The following PIR variants were observed in gnomAD, a reference collection of about 807,000 sequenced individuals.
PIR encodes the protein pirin.
A neutral mutation model predicts 24.2 loss-of-function variants in PIR; 22 were observed. The ratio of observed to expected loss-of-function variants is 0.91; its 90% CI spans 0.65 to 1.30. The LOEUF (loss-of-function observed/expected upper bound fraction) is 1.30, where lower values mean the gene tolerates loss of function less well. PIR is among the 50% of genes most tolerant of loss of function. The pLI is 0.00. For missense variants in PIR, 220 were observed against 220.3 expected, an observed-to-expected ratio of 1.00 and a Z score of 0.01; for synonymous variants, 80 against 79.6, an observed-to-expected ratio of 1.00 and a Z score of -0.03.
At chrX:15,490,061 A>G (rs1045423839) in intron 2 of PIR, among the ~76,000 whole-genome samples, 3 of 111,779 alleles carry the variant, frequency 2.7e-5, no homozygotes, top group African/African-American at 9.8e-5. Context: ...AGAGACTTTA[A>G]GTGTTCTCAT....
Position 15,455,899 on chromosome X carries a change from A to G in PIR, c.429T>C (p.Ser143=). The change falls in exon 5 of 10, where the codon AGT becomes AGC. Residue 143 remains serine, a synonymous_variant. Coordinates refer to ENST00000380420, the MANE Select transcript of PIR (RefSeq NM_001018109.3). ...TGACAGCAACTGTCACACCATCCTTACTGGGTTTAGGGATTTCTTCACTTT... is the reference window on the plus strand; with the variant it reads ...TGACAGCAACTGTCACACCATCCTTGCTGGGTTTAGGGATTTCTTCACTTT... ...ELKSEEIPKP[S]KDGVTVAVIS... is the part of the protein sequence containing the mutation. The G allele has an allele frequency of 8.3e-7, 1 of 1,210,379 alleles. No homozygotes were observed. Among genetic ancestry groups the G allele is most frequent in the Non-Finnish European group, 1.1e-6 (1 of 894,376 alleles).
At chrX:15,477,513 C>T (rs770536330) in intron 3 of PIR, among the ~76,000 whole-genome samples, 1 of 111,808 alleles carries the variant, frequency 8.9e-6, no homozygotes, top group South Asian at 3.8e-4. Context: ...TAACATTGAA[C>T]TCTAGGCCAA....
chrX:15,414,853 T>A (rs1216007194), intron 6 of PIR, among the ~76,000 whole-genome samples: 1 of 111,138 alleles, frequency 9.0e-6, no homozygotes, highest in Non-Finnish European at 1.9e-5. Context: ...TGAAAAAAAA[T>A]ACACCCCTGC....
At chrX:15,443,614 G>A (rs1346326062) in intron 5 of PIR, among the ~76,000 whole-genome samples, 5 of 111,712 alleles carry the variant, frequency 4.5e-5, no homozygotes, top group African/African-American at 1.6e-4. Context: ...TGCCATAGAT[G>A]GTGATTCCTC....
chrX:15,479,570 A>C (rs1922390163), intron 3 of PIR, among the ~76,000 whole-genome samples, 159 bp downstream of exon 3: 1 of 112,179 alleles, frequency 8.9e-6, no homozygotes, highest in Admixed American at 9.5e-5. Context: ...TACTAAAAAC[A>C]GTAAATATTT....
chrX:15,418,189 G>A (rs1358098785), intron 6 of PIR, among the ~76,000 whole-genome samples: 1 of 111,482 alleles, frequency 9.0e-6, no homozygotes, highest in Non-Finnish European at 1.9e-5. Flanking sequence ...TAAGTATCTA[G>A]AGGCAAAGGT....
chrX:15,443,384 G>T (rs180932236), intron 5 of PIR, among the ~76,000 whole-genome samples: 287 of 111,300 alleles, frequency 2.6e-3, no homozygotes, highest in African/African-American at 8.0e-3. Flanking sequence ...AAGATTAATG[G>T]GCCTGCTAAC....
At chrX:15,441,204 T>G (rs1281870445) in intron 5 of PIR, among the ~76,000 whole-genome samples, 4 of 111,921 alleles carry the variant, frequency 3.6e-5, no homozygotes, top group Admixed American at 9.5e-5. Context: ...ATAAAGATGC[T>G]TTGGCATCTT....
Position 15,384,902 on chromosome X carries a change from A to G in PIR, c.*102T>C. 6.8e-6 allele frequency: 3 copies of G among 444,397 alleles called. No homozygotes were observed. The highest frequency in any genetic ancestry group is 8.0e-6 in the Non-Finnish European group (2 of 250,553). The allele number at this position is 444,397 out of a possible 1,213,427, so 36.6% of individuals were successfully genotyped here. ...TCACGTTAGTGTGGAATTCTTTAGAAGCACCGGCTAAATAAGCTTTAGAAA... is the reference window on the plus strand; with the variant it reads ...TCACGTTAGTGTGGAATTCTTTAGAGGCACCGGCTAAATAAGCTTTAGAAA... On this transcript the variant is annotated 3_prime_UTR_variant, in exon 10 of 10. Coordinates refer to ENST00000380420, the MANE Select transcript of PIR (RefSeq NM_001018109.3).
intron 3 of PIR, among the ~76,000 whole-genome samples, chrX:15,473,717 C>A (rs1374057974): frequency 9.0e-6 from 1 of 111,079 alleles, no homozygotes; most frequent in Non-Finnish European, 1.9e-5. Flanking sequence ...CCACCACACC[C>A]AGCTAATTTT....
At chrX:15,397,354 A>G (rs1924198530) in intron 8 of PIR, 95 bp downstream of exon 8, 1 of 590,913 alleles carries the variant, frequency 1.7e-6, no homozygotes, top group Non-Finnish European at 3.0e-6. Flanking sequence ...CAAGGAAGAG[A>G]GAAAAACTTT....
intron 9 of PIR, among the ~76,000 whole-genome samples, chrX:15,387,110 A>C (rs1267908871): frequency 1.7e-5 from 1 of 57,182 alleles, no homozygotes; most frequent in African/African-American, 7.0e-5. Context: ...TTTTTTTGAG[A>C]CCGAGTCTTG....
chrX:15,415,202 G>A (rs1451374942), intron 6 of PIR, among the ~76,000 whole-genome samples: 1 of 111,477 alleles, frequency 9.0e-6, no homozygotes, highest in Non-Finnish European at 1.9e-5. Context: ...TAATCTCTTT[G>A]TACCTCAGTT....
intron 5 of PIR, among the ~76,000 whole-genome samples, chrX:15,447,966 C>T (rs1052673875): frequency 8.9e-6 from 1 of 112,084 alleles, no homozygotes; most frequent in African/African-American, 3.2e-5. Flanking sequence ...ATGAATGGCA[C>T]AGGGTGTTAC....
intron 7 of PIR, among the ~76,000 whole-genome samples, chrX:15,403,380 G>A (rs1924452067): frequency 8.9e-6 from 1 of 112,182 alleles, no homozygotes; most frequent in African/African-American, 3.2e-5. Flanking sequence ...AGCACCAACA[G>A]TATACTTGAT....
At chrX:15,419,374 T>TGTGTGTGG in intron 6 of PIR, among the ~76,000 whole-genome samples, 1 of 106,898 alleles carries the variant, frequency 9.4e-6, no homozygotes, top group Non-Finnish European at 1.9e-5. Context: ...TGTGTGTGTG[T>TGTGTGTGG]GTGTGTGTGT....
chrX:15,477,724 T>C (rs1922272915), intron 3 of PIR, among the ~76,000 whole-genome samples: 1 of 111,710 alleles, frequency 9.0e-6, no homozygotes, highest in South Asian at 3.7e-4. Flanking sequence ...AAGGTCACTT[T>C]CTTGTGAAAC....
chrX:15,466,037 G>A (rs60247305), intron 3 of PIR, among the ~76,000 whole-genome samples: 25,368 of 73,921 alleles, frequency 0.34, 4,093 homozygotes, highest in African/African-American at 0.47. Context: ...TTGTCTACTA[G>A]TGGCTTGGTA....
chrX:15,386,655 A>G (rs1464961527), intron 9 of PIR, among the ~76,000 whole-genome samples: 1 of 111,658 alleles, frequency 9.0e-6, no homozygotes, highest in African/African-American at 3.3e-5. Flanking sequence ...AGAGGGAGTG[A>G]TGTTTGAGCA....
Sources: gnomAD v4.1 joint callset for allele counts (sites outside exome capture counted in the v4.1 genomes callset) on GRCh38, gnomAD v4.1.1 for gene constraint, MANE v1.5 for transcripts, NCBI Gene and HGNC (gene_info 2026-07-23, HGNC 2026-07-21) for gene names.